Variants in KDM1B observed in about 807,000 individuals in gnomAD.
KDM1B encodes lysine demethylase 1B.
A neutral mutation model predicts 107.4 loss-of-function variants in KDM1B; 63 were observed. The ratio of observed to expected loss-of-function variants is 0.59; its 90% CI spans 0.48 to 0.72. The LOEUF (loss-of-function observed/expected upper bound fraction) is 0.72, where lower values mean the gene tolerates loss of function less well. KDM1B is among the 30% of genes least tolerant of loss of function. KDM1B has a pLI of 0.00. For missense variants in KDM1B, 749 were observed against 1,020.8 expected, an observed-to-expected ratio of 0.73 and a Z score of 3.63; for synonymous variants, 363 against 363.9, an observed-to-expected ratio of 1.00 and a Z score of 0.03.
chr6:18,164,756 G>A (rs1211804655), intron 5 of KDM1B, among the ~76,000 whole-genome samples: 1 of 151,136 alleles, frequency 6.6e-6, no homozygotes, highest in Non-Finnish European at 1.5e-5. Flanking sequence ...AGTGATTCTC[G>A]TGCCTCAGCC....
intron 20 of KDM1B, 38 bp downstream of exon 20, chr6:18,215,167 G>T (rs372495059): frequency 4.4e-6 from 7 of 1,595,948 alleles, no homozygotes; most frequent in Middle Eastern, 3.6e-4. Flanking sequence ...GGGGCAAGCC[G>T]TGCTTGCTAT....
intron 4 of KDM1B, 141 bp downstream of exon 4, chr6:18,161,595 G>A: frequency 1.1e-6 from 1 of 907,000 alleles, no homozygotes; most frequent in East Asian, 2.8e-5. Context: ...ACATTGCCCA[G>A]ACATTCTGTA....
chr6:18,191,420 GA>G lies in KDM1B; in HGVS notation c.969+40del. 6.6e-7 allele frequency: 1 copy of G among 1,519,694 alleles called. No individual in the cohort carries two copies. The allele number at this position is 1,519,694 out of a possible 1,614,324, so 94.1% of individuals were successfully genotyped here. A position where few individuals can be genotyped will look rare whatever the true frequency, so the allele number is the denominator to read the frequency against. On this transcript the variant is annotated intron_variant, in intron 10 of 21. Transcript: ENST00000650836. This position sits in a 1 kb window ranked among gnomAD's most constrained non-coding sequence, Gnocchi z 5.1. ...TGTTAGCCAATAGCACTGGACAGAGGAGGACCATGTTGAAAAGGAGGGGATA... is the reference window on the plus strand; with the variant it reads ...TGTTAGCCAATAGCACTGGACAGAGGGGACCATGTTGAAAAGGAGGGGATA...
intron 7 of KDM1B, among the ~76,000 whole-genome samples, chr6:18,184,463 C>T (rs375138008): frequency 6.1e-4 from 92 of 151,350 alleles, no homozygotes; most frequent in African/African-American, 2.1e-3. Context: ...TTAGTAGAGA[C>T]GAGGTTTCAC....
rs769716545 is a variant in KDM1B, at chr6:18,197,093, A to T, written c.1006A>T (p.Ile336Phe). The T allele has an allele frequency of 6.2e-7, 1 of 1,614,000 alleles. No homozygotes were observed. The highest frequency in any genetic ancestry group is 1.7e-5 in the Admixed American group (1 of 60,012). The part of the protein sequence containing the change: ...LTPQKCIPHI[I>F]VRGLVRIRCV... ...TCCTCAGAAATGTATTCCTCACATC[A>T]TCGTCCGGGGTCTCGTGCGTATTCG... Residue 336 changes from isoleucine (I) to phenylalanine (F), a missense_variant, in exon 11 of 22, where the codon ATC (isoleucine) becomes TTC (phenylalanine). By Grantham distance (21) the Ile-to-Phe change is conservative. Coordinates refer to ENST00000650836, the MANE Select transcript of KDM1B (RefSeq NM_001364614.2). This position sits in a 1 kb window ranked among gnomAD's most constrained non-coding sequence, Gnocchi z 4.5.
intron 9 of KDM1B, among the ~76,000 whole-genome samples, chr6:18,190,649 C>T (rs779302143): frequency 2.6e-5 from 4 of 151,744 alleles, no homozygotes; most frequent in Non-Finnish European, 5.9e-5. Flanking sequence ...GCCTGTAATC[C>T]CAGCACTTTG....
At chr6:18,218,893 T>C (rs1027861491) in intron 21 of KDM1B, among the ~76,000 whole-genome samples, 1 of 151,956 alleles carries the variant, frequency 6.6e-6, no homozygotes, top group African/African-American at 2.4e-5. Flanking sequence ...AATTTAATTA[T>C]TTTATTTTAA....
Position 18,197,326 on chromosome 6 carries a change from C to CAGG in KDM1B, c.1146+94_1146+95insGGA. The CAGG allele has an allele frequency of 1.7e-6, 2 of 1,174,560 alleles. No individual in the cohort carries two copies. The highest frequency in any genetic ancestry group is 2.4e-6 in the Non-Finnish European group (2 of 838,108). 72.8% of individuals were successfully genotyped at this position (1,174,560 alleles called of 1,614,324 possible). A position where few individuals can be genotyped will look rare whatever the true frequency, so the allele number is the denominator to read the frequency against. On this transcript the variant is annotated intron_variant, in intron 11 of 21. Coordinates refer to ENST00000650836, the MANE Select transcript of KDM1B (RefSeq NM_001364614.2). This position sits in a 1 kb window ranked among gnomAD's most constrained non-coding sequence, Gnocchi z 4.5. ...ATAAATATAGTAAAAGCCACATTAT[C>CAGG]ACCATAAAACTTAACAGAAGCAAGG...
chr6:18,210,338 T>C (rs1394785778), intron 17 of KDM1B, among the ~76,000 whole-genome samples: 4 of 102,604 alleles, frequency 3.9e-5, no homozygotes, highest in Admixed American at 3.5e-4. Flanking sequence ...TTTCTCTTTC[T>C]TTTCTTTTTT....
At chr6:18,167,628 C>T (rs1395690695) in intron 6 of KDM1B, among the ~76,000 whole-genome samples, 4 of 151,280 alleles carry the variant, frequency 2.6e-5, no homozygotes, top group Admixed American at 2.6e-4. Context: ...CACATGCTAC[C>T]ACGCCCAGCT....
At chr6:18,158,929 T>A (rs10949484) in intron 2 of KDM1B, among the ~76,000 whole-genome samples, 50,466 of 152,062 alleles carry the variant, frequency 0.33, 8,628 homozygotes, top group East Asian at 0.52. Context: ...GTTTTCTTGA[T>A]ATTTATTTGT....
Position 18,162,993 on chromosome 6 carries a change from G to C in KDM1B, c.305+69G>C. ...GTGGCAGGGGCAGTGCGTGTGGTCA[G>C]CTGATTAAAGCTTAGTCTCGAGGCT... On this transcript the variant is annotated intron_variant, in intron 5 of 21. Transcript: ENST00000650836. The surrounding 1 kb of genome is among the most constrained non-coding windows in gnomAD (Gnocchi z 4.1). 1 of 890,100 alleles carries C rather than the reference G, an allele frequency of 1.1e-6. No homozygotes were observed. Among genetic ancestry groups the C allele is most frequent in the Non-Finnish European group, 1.9e-6 (1 of 524,688 alleles). 55.1% of individuals were successfully genotyped at this position (890,100 alleles called of 1,614,324 possible).
chr6:18,190,156 A>G (rs1582148187), intron 9 of KDM1B, among the ~76,000 whole-genome samples: 1 of 72,828 alleles, frequency 1.4e-5, no homozygotes, highest in Non-Finnish European at 3.7e-5. Context: ...TCTCGAGAAA[A>G]AAAAAAAGTT....
intron 6 of KDM1B, among the ~76,000 whole-genome samples, chr6:18,166,731 G>A (rs1317336477): frequency 6.6e-6 from 1 of 151,814 alleles, no homozygotes; most frequent in Non-Finnish European, 1.5e-5. Context: ...GCAGGTGTCT[G>A]TAGTCCCATC....
At chr6:18,217,920 T>C in intron 21 of KDM1B, 35 bp downstream of exon 21, 1 of 1,593,902 alleles carries the variant, frequency 6.3e-7, no homozygotes, top group Non-Finnish European at 8.5e-7. Flanking sequence ...ATTATTTGTA[T>C]TTTGATTTCT....
In KDM1B at chr6:18,222,157, ACT is replaced by A. The variant is rs1366161008; in HGVS notation, c.*166_*167del. On this transcript the variant is annotated 3_prime_UTR_variant, in exon 22 of 22. Coordinates refer to ENST00000650836, the MANE Select transcript of KDM1B (RefSeq NM_001364614.2). ...AAACCTATTTCATCACTCTAAAAGCACTGACCTCAAAAAACCTTATAAGCACT... is the reference window on the plus strand; with the variant it reads ...AAACCTATTTCATCACTCTAAAAGCAGACCTCAAAAAACCTTATAAGCACT... The A allele has an allele frequency of 1.4e-6, 1 of 729,252 alleles. No homozygotes were observed. The highest frequency in any genetic ancestry group is 1.7e-5 in the African/African-American group (1 of 57,552). 45.2% of individuals were successfully genotyped at this position (729,252 alleles called of 1,614,324 possible).
chr6:18,193,937 G>A (rs1363407288), intron 10 of KDM1B, among the ~76,000 whole-genome samples: 1 of 151,620 alleles, frequency 6.6e-6, no homozygotes, highest in Non-Finnish European at 1.5e-5. Context: ...GCAATGATGC[G>A]ATCTCAGCTC....
intron 21 of KDM1B, among the ~76,000 whole-genome samples, chr6:18,218,656 TG>T (rs1168953229): frequency 3.9e-5 from 6 of 152,178 alleles, no homozygotes; most frequent in Non-Finnish European, 8.8e-5. Context: ...GCAATTATAA[TG>T]GCTCCTTTGG....
At chr6:18,217,378 CTTT>C (rs11343407) in intron 20 of KDM1B, among the ~76,000 whole-genome samples, 16 of 126,988 alleles carry the variant, frequency 1.3e-4, no homozygotes, top group Admixed American at 3.3e-4. Context: ...TATCTCCCTT[CTTT>C]TTTTTTTTTT....
Sources: gnomAD v4.1 joint callset for allele counts (sites outside exome capture counted in the v4.1 genomes callset) on GRCh38, gnomAD v4.1.1 for gene constraint, Gnocchi (gnomAD v3.1) non-coding constraint, MANE v1.5 for transcripts, NCBI Gene and HGNC (gene_info 2026-07-23, HGNC 2026-07-21) for gene names.